PDGFD: variants seen among roughly 807,000 people sequenced by gnomAD.
The protein encoded by PDGFD is platelet derived growth factor D.
Under a neutral mutation model 44.7 loss-of-function variants are expected in PDGFD, and 30 were observed. The ratio of observed to expected loss-of-function variants is 0.67; its 90% confidence interval spans 0.50 to 0.91. The LOEUF (loss-of-function observed/expected upper bound fraction) is 0.91, where lower values mean the gene tolerates loss of function less well. Among genes scored for constraint, PDGFD ranks in the 40% least tolerant of loss-of-function variants. The pLI is 0.00. For synonymous variants in PDGFD, 173 were observed against 168.4 expected, an observed-to-expected ratio of 1.03 and a Z score of -0.21; for missense variants, 445 against 457.8, an observed-to-expected ratio of 0.97 and a Z score of 0.25.
intron 1 of PDGFD, 118 bp from the exon 2 acceptor site, chr11:104,000,373 A>G: frequency 1.1e-6 from 1 of 908,674 alleles, no homozygotes; most frequent in Non-Finnish European, 1.7e-6. Context: ...TTGCCTAAAA[A>G]CATTAAGTCT....
chr11:103,992,492 T>C (rs1859472119), intron 3 of PDGFD, among the ~76,000 whole-genome samples: 1 of 152,204 alleles, frequency 6.6e-6, no homozygotes, highest in South Asian at 2.1e-4. Flanking sequence ...ATTACTCCCA[T>C]TTAAAAGATG....
intron 1 of PDGFD, among the ~76,000 whole-genome samples, chr11:104,100,216 G>T (rs1468311461): frequency 1.3e-5 from 2 of 152,012 alleles, no homozygotes; most frequent in Non-Finnish European, 2.9e-5. Flanking sequence ...ACACACCTCT[G>T]GTCATTGAAA....
intron 3 of PDGFD, among the ~76,000 whole-genome samples, chr11:103,990,853 C>T (rs1268539625): frequency 1.3e-5 from 2 of 152,022 alleles, no homozygotes; most frequent in Admixed American, 6.6e-5. Context: ...AAGAATTCAG[C>T]TTAGGGCCAG....
At chr11:103,984,455 T>C (rs1352193160) in intron 3 of PDGFD, among the ~76,000 whole-genome samples, 2 of 151,476 alleles carry the variant, frequency 1.3e-5, no homozygotes, top group Non-Finnish European at 2.9e-5. Flanking sequence ...AAATAACTAA[T>C]GGGTACTAGG....
At position 103,963,888 on chromosome 11, in the gene PDGFD, A is replaced by T. The variant is rs75119742; in HGVS notation, c.511-16164T>A. 3.8e-3 allele frequency among the ~76,000 whole-genome samples: 575 copies of T among 152,262 alleles called. 3 individuals are homozygous for T. Among genetic ancestry groups the T allele is most frequent in the African/African-American group, 0.013 (560 of 41,558 alleles). On this transcript the variant is annotated intron_variant, in intron 3 of 6. Coordinates refer to ENST00000393158, the MANE Select transcript of PDGFD (RefSeq NM_025208.5). ...CCAGCCTCCTATCTCTCGGTAAAAT[A>T]TTTCTACATCCCAATTAATTACTGC... is the stretch of plus-strand genomic sequence containing the variant.
At chr11:104,089,057 A>G (rs1314442469) in intron 1 of PDGFD, among the ~76,000 whole-genome samples, 1 of 152,242 alleles carries the variant, frequency 6.6e-6, no homozygotes, top group Non-Finnish European at 1.5e-5. Flanking sequence ...AGTGATAAAC[A>G]TATGAATCGT....
rs937889070 is a variant in PDGFD, at chr11:103,958,404, T to C, written c.511-10680A>G. On this transcript the variant is annotated intron_variant, in intron 3 of 6. Transcript: ENST00000393158. ...ATGCATTTCAAAGAGAACATCTGAT[T>C]CAATTCACCAGTGGTCTGAAATTTA... 2.0e-4 allele frequency among the ~76,000 whole-genome samples: 31 copies of C among 152,226 alleles called. 1 individual carries two copies. Among genetic ancestry groups the C allele is most frequent in the African/African-American group, 6.3e-4 (26 of 41,456 alleles).
intron 1 of PDGFD, among the ~76,000 whole-genome samples, chr11:104,043,426 A>G (rs1860390750): frequency 6.6e-6 from 1 of 152,214 alleles, no homozygotes; most frequent in Non-Finnish European, 1.5e-5. Context: ...TAGAGTAAGC[A>G]TATGGCCGAT....
At chr11:104,071,769 T>C (rs1188271334) in intron 1 of PDGFD, among the ~76,000 whole-genome samples, 2 of 151,820 alleles carry the variant, frequency 1.3e-5, no homozygotes, top group African/African-American at 2.4e-5. Flanking sequence ...AAGTCACCTA[T>C]GCTTTTATCT....
chr11:104,049,538 C>T (rs539636408), intron 1 of PDGFD, among the ~76,000 whole-genome samples: 1 of 151,132 alleles, frequency 6.6e-6, no homozygotes, highest in African/African-American at 2.4e-5. Context: ...TTTTTTTAAG[C>T]TTTTTTTTGT....
intron 1 of PDGFD, among the ~76,000 whole-genome samples, chr11:104,137,302 A>T (rs1862021407): frequency 6.6e-6 from 1 of 152,110 alleles, no homozygotes; most frequent in Non-Finnish European, 1.5e-5. Context: ...AACAAGAGAG[A>T]TTCAATCCTT....
At chr11:103,921,922 A>G (rs1227116783) in intron 6 of PDGFD, among the ~76,000 whole-genome samples, 1 of 119,868 alleles carries the variant, frequency 8.3e-6, no homozygotes, top group Non-Finnish European at 1.9e-5. Flanking sequence ...TGCTACACAC[A>G]TTTCAAGTGC....
chr11:104,118,753 G>GTAT (rs1861679018), intron 1 of PDGFD, among the ~76,000 whole-genome samples: 8 of 85,028 alleles, frequency 9.4e-5, no homozygotes, highest in African/African-American at 4.1e-4. Context: ...TTATTATATA[G>GTAT]TATATATTAT....
At chr11:104,005,845 T>C (rs1227275068) in intron 1 of PDGFD, among the ~76,000 whole-genome samples, 1 of 152,148 alleles carries the variant, frequency 6.6e-6, no homozygotes, top group Non-Finnish European at 1.5e-5. Flanking sequence ...ACTACAAAAA[T>C]AGGAAAACAA....
chr11:103,944,939 C>T (rs139861861), intron 4 of PDGFD, among the ~76,000 whole-genome samples: 125 of 152,168 alleles, frequency 8.2e-4, no homozygotes, highest in African/African-American at 2.9e-3. Context: ...ATGTGTCAGG[C>T]CAGCTCCATT....
intron 1 of PDGFD, among the ~76,000 whole-genome samples, chr11:104,158,496 A>T (rs965000511): frequency 6.6e-6 from 1 of 152,258 alleles, no homozygotes; most frequent in South Asian, 2.1e-4. Context: ...CCAGATGCTC[A>T]GTTACTTAGC....
intron 1 of PDGFD, among the ~76,000 whole-genome samples, chr11:104,118,865 A>AAG (rs1861689034): frequency 1.4e-5 from 1 of 69,808 alleles, no homozygotes; most frequent in Non-Finnish European, 2.6e-5. Flanking sequence ...ATAATATATT[A>AAG]TATATTAATA....
At chr11:103,941,305 C>A (rs1280852905) in intron 5 of PDGFD, among the ~76,000 whole-genome samples, 3 of 151,932 alleles carry the variant, frequency 2.0e-5, no homozygotes, top group Non-Finnish European at 4.4e-5. Flanking sequence ...CCCAGATCCT[C>A]TTAGAGGAAA....
rs993947728 is a variant in PDGFD, at chr11:104,070,026, T to G, written c.125-69771A>C. On this transcript the variant is annotated intron_variant, in intron 1 of 6. Transcript: ENST00000393158. ...CCCAGATTTGGCCGGTGGAAGCCCC[T>G]ACATGTTGGACTTCATGTTCTTTTG... is the stretch of plus-strand genomic sequence containing the variant. 2.7e-5 allele frequency among the ~76,000 whole-genome samples: 4 copies of G among 145,720 alleles called. No homozygotes were observed. In the East Asian group the frequency reaches 7.7e-4, roughly 28 times the overall value.
Sources: allele counts gnomAD v4.1 joint callset (sites outside exome capture counted in the v4.1 genomes callset), GRCh38; gene constraint gnomAD v4.1.1; transcripts MANE v1.5; gene names NCBI Gene and HGNC (gene_info 2026-07-23, HGNC 2026-07-21).